CNNM4: variants seen among roughly 807,000 people sequenced by gnomAD.
CNNM4 encodes the protein metal transporter CNNM4.
In CNNM4, 32 loss-of-function variants were observed where a neutral mutation model predicts 53.7. The ratio of observed to expected loss-of-function variants is 0.60; its 90% CI spans 0.45 to 0.80. CNNM4 has a LOEUF of 0.80. Ranked by LOEUF, CNNM4 falls within the 30% of genes least tolerant of loss-of-function variation. The pLI is 0.00. For synonymous variants in CNNM4, 410 were observed against 440.0 expected (o/e 0.93, Z 0.85); for missense variants, 784 against 1,022.0 (o/e 0.77, Z 3.17).
In CNNM4 at chr2:96,761,668, G is replaced by A; in HGVS notation, c.669G>A (p.Glu223=). The A allele has an allele frequency of 6.2e-7, 1 of 1,611,350 alleles. No individual in the cohort carries two copies. Among genetic ancestry groups the A allele is most frequent in the Non-Finnish European group, 8.5e-7 (1 of 1,180,020 alleles). ...GCATCGTGCAGAACTGTGGCACCGA[G>A]AAGGAGAGGCGCTATGCCCGCAAGA... The part of the protein sequence containing the change: ...ELRIVQNCGT[E]KERRYARKIE... The change falls in exon 1 of 7, where the codon GAG becomes GAA. Residue 223 remains glutamate, a synonymous_variant. Coordinates refer to ENST00000377075, the MANE Select transcript of CNNM4 (RefSeq NM_020184.4). The surrounding 1 kb of genome is among the most constrained non-coding windows in gnomAD (Gnocchi z 6.0).
At chr2:96,794,522 C>G (rs1007133164) in intron 1 of CNNM4, among the ~76,000 whole-genome samples, 5 of 152,136 alleles carry the variant, frequency 3.3e-5, no homozygotes, top group African/African-American at 1.2e-4. Context: ...TTTCGTTCCG[C>G]GCTTTATTCA....
intron 1 of CNNM4, among the ~76,000 whole-genome samples, chr2:96,772,040 A>G (rs1331615510): frequency 1.3e-5 from 2 of 152,074 alleles, no homozygotes; most frequent in African/African-American, 4.8e-5. Flanking sequence ...GGGTTGTTGC[A>G]GGACTGGTTT....
intron 1 of CNNM4, among the ~76,000 whole-genome samples, chr2:96,779,404 G>C (rs2078954095): frequency 6.6e-6 from 1 of 151,710 alleles, no homozygotes; most frequent in African/African-American, 2.4e-5. Context: ...AGCTACTTGG[G>C]AGGCTGAGGT....
chr2:96,806,650 T>C (rs559975163), intron 5 of CNNM4, among the ~76,000 whole-genome samples: 11 of 152,268 alleles, frequency 7.2e-5, no homozygotes, highest in African/African-American at 2.6e-4. Context: ...CTTAGTAACT[T>C]AATAGTTAAA....
intron 3 of CNNM4, among the ~76,000 whole-genome samples, chr2:96,798,643 G>A (rs1390777561): frequency 6.6e-6 from 1 of 152,080 alleles, no homozygotes; most frequent in Non-Finnish European, 1.5e-5. Context: ...GTGGGATATT[G>A]ATGCTGATGC....
At chr2:96,796,048 G>C (rs908913090) in intron 1 of CNNM4, among the ~76,000 whole-genome samples, 1 of 149,164 alleles carries the variant, frequency 6.7e-6, no homozygotes, top group Non-Finnish European at 1.5e-5. Context: ...CACAGTGCTC[G>C]GCCTCTCTGT....
chr2:96,766,890 C>G (rs1364719836), intron 1 of CNNM4, among the ~76,000 whole-genome samples: 1 of 152,180 alleles, frequency 6.6e-6, no homozygotes, highest in African/African-American at 2.4e-5. Context: ...GTGTTGTGCA[C>G]TTACCGGGTT....
chr2:96,810,723 T>G lies in CNNM4; in HGVS notation c.*1206T>G, dbSNP rs989858311. On this transcript the variant is annotated 3_prime_UTR_variant, in exon 7 of 7. Coordinates refer to ENST00000377075, the MANE Select transcript of CNNM4 (RefSeq NM_020184.4). The surrounding 1 kb of genome is among the most constrained non-coding windows in gnomAD (Gnocchi z 4.1). ...TCACCTGGCCTTATCCACCCACTTATGGAACCTCAGGAGAGGAGGGCTCCT... is the reference window on the plus strand; with the variant it reads ...TCACCTGGCCTTATCCACCCACTTAGGGAACCTCAGGAGAGGAGGGCTCCT... 1 of 152,262 alleles carries G rather than the reference T, an allele frequency of 6.6e-6. No individual in the cohort carries two copies. Among genetic ancestry groups the G allele is most frequent in the Non-Finnish European group, 1.5e-5 (1 of 68,046 alleles). 9.4% of individuals were successfully genotyped at this position (152,262 alleles called of 1,614,324 possible).
At chr2:96,790,917 C>T (rs1412398415) in intron 1 of CNNM4, among the ~76,000 whole-genome samples, 1 of 150,894 alleles carries the variant, frequency 6.6e-6, no homozygotes, top group African/African-American at 2.4e-5. Flanking sequence ...GTCAGAAGTT[C>T]GAGACCAGCC....
In CNNM4 at chr2:96,801,656, C is replaced by T. The variant is rs955374263; in HGVS notation, c.1948+2008C>T. Among the ~76,000 whole-genome samples, 167 of 141,956 alleles carry T rather than the reference C, an allele frequency of 1.2e-3. 3 individuals carry two copies. The highest frequency in any genetic ancestry group is 4.2e-3 in the Admixed American group (61 of 14,376). The allele number at this position is 141,956 out of a possible 152,430, so 93.1% of individuals were successfully genotyped here. A position where few individuals can be genotyped will look rare whatever the true frequency, so the allele number is the denominator to read the frequency against. ...GAGAGACCACACACATGCAGAGAGA[C>T]CACACACACACACACACAGAGACCA... On this transcript the variant is annotated intron_variant, in intron 5 of 6. Transcript: ENST00000377075. The surrounding 1 kb of genome is among the most constrained non-coding windows in gnomAD (Gnocchi z 5.6).
At position 96,808,912 on chromosome 2, in the gene CNNM4, C is replaced by T. The variant is rs2079231738; in HGVS notation, c.2130+170C>T. On this transcript the variant is annotated intron_variant, in intron 6 of 6. Coordinates refer to ENST00000377075, the MANE Select transcript of CNNM4 (RefSeq NM_020184.4). This position sits in a 1 kb window ranked among gnomAD's most constrained non-coding sequence, Gnocchi z 4.9. Reference sequence around the variant, plus strand: ...CTGGAATGCAGTGGTGTGATCATAGCCCACTTCAGCCTTGAACTCTTGGGT... The same window carrying T: ...CTGGAATGCAGTGGTGTGATCATAGTCCACTTCAGCCTTGAACTCTTGGGT... Among the ~76,000 whole-genome samples, 1 of 152,056 alleles carries T rather than the reference C, an allele frequency of 6.6e-6. No individual in the cohort carries two copies. The highest frequency in any genetic ancestry group is 1.5e-5 in the Non-Finnish European group (1 of 68,018).
At chr2:96,798,752 A>G (rs1055053277) in intron 3 of CNNM4, among the ~76,000 whole-genome samples, 2 of 152,170 alleles carry the variant, frequency 1.3e-5, no homozygotes, top group South Asian at 4.1e-4. Flanking sequence ...CACCCTGTGA[A>G]GCTTTTACCC....
intron 1 of CNNM4, among the ~76,000 whole-genome samples, chr2:96,780,043 G>T (rs1332906813): frequency 1.3e-5 from 2 of 152,142 alleles, no homozygotes; most frequent in East Asian, 3.9e-4. Flanking sequence ...CTTGTAATCT[G>T]CCCGTCTTGG....
rs367620019 is a variant in CNNM4, at chr2:96,808,778, C to T, written c.2130+36C>T. ...CACTGCCCTGTCTGGGCAGTGCTAT[C>T]TTCTGCTCAGGAATCAGCTACTACT... is the stretch of plus-strand genomic sequence containing the variant. On this transcript the variant is annotated intron_variant, in intron 6 of 6. Transcript: ENST00000377075. This position sits in a 1 kb window ranked among gnomAD's most constrained non-coding sequence, Gnocchi z 4.9. The T allele has an allele frequency of 6.2e-7, 1 of 1,600,100 alleles. No individual in the cohort carries two copies. The highest frequency in any genetic ancestry group is 2.2e-5 in the East Asian group (1 of 44,812).
At chr2:96,792,275 A>C (rs1306830611) in intron 1 of CNNM4, among the ~76,000 whole-genome samples, 5 of 151,854 alleles carry the variant, frequency 3.3e-5, no homozygotes, top group Non-Finnish European at 2.9e-5. Flanking sequence ...CACACACACA[A>C]AAATACAATT....
rs543314776 is a variant in CNNM4, at chr2:96,800,733, C to T, written c.1948+1085C>T. ...TCTCATTCAGAAGGGCGGGCAGGCA[C>T]GGGAGGCTTCCCCCAGGCACTGTTT... On this transcript the variant is annotated intron_variant, in intron 5 of 6. Transcript: ENST00000377075. This position sits in a 1 kb window ranked among gnomAD's most constrained non-coding sequence, Gnocchi z 4.6. 5.9e-5 allele frequency among the ~76,000 whole-genome samples: 9 copies of T among 152,220 alleles called. No individual in the cohort carries two copies. The highest frequency in any genetic ancestry group is 8.8e-5 in the Non-Finnish European group (6 of 68,032).
intron 5 of CNNM4, among the ~76,000 whole-genome samples, chr2:96,805,426 T>TTTG (rs2079193668): frequency 7.1e-6 from 1 of 139,946 alleles, no homozygotes. Context: ...CAGTTTTTTT[T>TTTG]TTTTTTTTTT....
At chr2:96,788,971 G>A (rs548709909) in intron 1 of CNNM4, 1 of 149,486 alleles carries the variant, frequency 6.7e-6, no homozygotes, top group East Asian at 1.9e-4. Flanking sequence ...AGGACTTCAA[G>A]GGGCTGTAAA....
chr2:96,780,522 A>G (rs1487012416), intron 1 of CNNM4, among the ~76,000 whole-genome samples: 1 of 151,454 alleles, frequency 6.6e-6, no homozygotes, highest in Non-Finnish European at 1.5e-5. Flanking sequence ...GGCCTCCCAA[A>G]TTGCTGGGAT....
Sources: allele counts gnomAD v4.1 joint callset (sites outside exome capture counted in the v4.1 genomes callset), GRCh38; gene constraint gnomAD v4.1.1; non-coding constraint Gnocchi (gnomAD v3.1); transcripts MANE v1.5; gene names NCBI Gene and HGNC (gene_info 2026-07-23, HGNC 2026-07-21).